The following CCDC178 variants were observed in gnomAD, a reference collection of about 807,000 sequenced individuals.
CCDC178 encodes the protein coiled-coil domain-containing protein 178.
A neutral mutation model predicts 117.4 loss-of-function variants in CCDC178; 126 were observed. That is an observed-to-expected ratio of 1.07 (90% CI 0.93 to 1.24). CCDC178 has a LOEUF of 1.24. Among genes scored for constraint, CCDC178 ranks in the 50% most tolerant of loss-of-function variants. The probability of loss-of-function intolerance (pLI) is 0.00; values close to 1 mark genes in which losing one functional copy is unlikely to be tolerated. For missense variants in CCDC178, 1,030 were observed against 986.9 expected, an observed-to-expected ratio of 1.04 and a Z score of -0.59; for synonymous variants, 283 against 313.4, an observed-to-expected ratio of 0.90 and a Z score of 1.02.
At chr18:33,189,681 G>A (rs1477772954) in intron 20 of CCDC178, among the ~76,000 whole-genome samples, 1 of 152,150 alleles carries the variant, frequency 6.6e-6, no homozygotes, top group Admixed American at 6.5e-5. Flanking sequence ...ATTTGCAATT[G>A]ACTTTATTTA....
chr18:32,949,780 A>G (rs897570262), intron 22 of CCDC178, among the ~76,000 whole-genome samples: 1 of 152,068 alleles, frequency 6.6e-6, no homozygotes, highest in Non-Finnish European at 1.5e-5. Flanking sequence ...GTTTCCTTGG[A>G]TGCCATACAT....
intron 21 of CCDC178, among the ~76,000 whole-genome samples, chr18:33,052,125 T>G (rs570981984): frequency 6.6e-6 from 1 of 152,044 alleles, no homozygotes; most frequent in Admixed American, 6.6e-5. Context: ...CAAATTTAAT[T>G]TTTTTTTAGA....
At chr18:33,075,996 A>G (rs1354977255) in intron 21 of CCDC178, among the ~76,000 whole-genome samples, 1 of 152,238 alleles carries the variant, frequency 6.6e-6, no homozygotes, top group Non-Finnish European at 1.5e-5. Flanking sequence ...ATATTTTTCT[A>G]CAGTTTTCTG....
intron 20 of CCDC178, among the ~76,000 whole-genome samples, chr18:33,097,095 G>T (rs1171837065): frequency 6.6e-6 from 1 of 151,996 alleles, no homozygotes. Flanking sequence ...TCCTTCCTTT[G>T]AACCTGGGTA....
chr18:33,355,782 T>C (rs1304136184), intron 7 of CCDC178, among the ~76,000 whole-genome samples: 1 of 152,180 alleles, frequency 6.6e-6, no homozygotes, highest in Non-Finnish European at 1.5e-5. Context: ...AGCCTTGTGA[T>C]TCCTCCAAGT....
chr18:33,388,091 T>C (rs1443631980), intron 5 of CCDC178, among the ~76,000 whole-genome samples: 2 of 151,968 alleles, frequency 1.3e-5, no homozygotes, highest in Admixed American at 1.3e-4. Flanking sequence ...GGCATACATG[T>C]GGCCAACAAA....
At chr18:33,433,835 T>C (rs944292211) in intron 2 of CCDC178, among the ~76,000 whole-genome samples, 28 of 152,134 alleles carry the variant, frequency 1.8e-4, no homozygotes, top group African/African-American at 6.5e-4. Context: ...CTTATACGTT[T>C]CATAAAGAAA....
intron 5 of CCDC178, among the ~76,000 whole-genome samples, chr18:33,376,180 T>C (rs571492241): frequency 6.6e-6 from 1 of 152,092 alleles, no homozygotes; most frequent in African/African-American, 2.4e-5. Context: ...TGCCTTTCTC[T>C]GGCACTGGCT....
chr18:33,273,911 A>G (rs552254053), intron 12 of CCDC178, among the ~76,000 whole-genome samples: 27 of 151,902 alleles, frequency 1.8e-4, no homozygotes, highest in African/African-American at 6.3e-4. Context: ...TAAACTTTTT[A>G]ATATCTTCTG....
chr18:32,942,201 G>A (rs1467482822), intron 22 of CCDC178, among the ~76,000 whole-genome samples: 3 of 152,110 alleles, frequency 2.0e-5, no homozygotes, highest in African/African-American at 7.2e-5. Flanking sequence ...TATATTCAGT[G>A]AGAACACAGA....
chr18:33,088,502 A>G (rs1227262650), intron 21 of CCDC178, among the ~76,000 whole-genome samples: 3 of 152,238 alleles, frequency 2.0e-5, no homozygotes, highest in South Asian at 2.1e-4. Flanking sequence ...GATCTTATAC[A>G]TATTTTGTTA....
At chr18:33,409,363 G>T (rs2063821322) in intron 3 of CCDC178, among the ~76,000 whole-genome samples, 2 of 152,186 alleles carry the variant, frequency 1.3e-5, no homozygotes, top group Admixed American at 1.3e-4. Context: ...GGGATTACAG[G>T]CATGAGCCAC....
At chr18:33,013,086 T>C (rs1259999167) in intron 21 of CCDC178, among the ~76,000 whole-genome samples, 1 of 152,190 alleles carries the variant, frequency 6.6e-6, no homozygotes, top group East Asian at 1.9e-4. Context: ...TTTTTCCTTT[T>C]ATAGGATTTC....
intron 5 of CCDC178, among the ~76,000 whole-genome samples, chr18:33,382,743 G>C (rs1231493516): frequency 6.6e-6 from 1 of 152,088 alleles, no homozygotes; most frequent in East Asian, 1.9e-4. Context: ...CACAAAACTG[G>C]GTGACTGTTT....
intron 22 of CCDC178, 89 bp from the exon 23 acceptor site, chr18:32,938,180 C>T (rs1372973513): frequency 2.3e-6 from 2 of 874,096 alleles, no homozygotes; most frequent in Non-Finnish European, 3.8e-6. Flanking sequence ...ACATGGAAAA[C>T]TTATCAACAA....
intron 21 of CCDC178, among the ~76,000 whole-genome samples, chr18:32,989,049 C>T (rs143131901): frequency 3.3e-5 from 5 of 152,232 alleles, no homozygotes; most frequent in Middle Eastern, 3.4e-3. Context: ...GACACAGTTT[C>T]TTCCAATTGT....
At chr18:33,194,606 C>T (rs1167341321) in intron 20 of CCDC178, among the ~76,000 whole-genome samples, 1 of 152,102 alleles carries the variant, frequency 6.6e-6, no homozygotes, top group East Asian at 1.9e-4. Context: ...GTTGAACTTT[C>T]GTACTTTCTT....
chr18:32,976,490 T>C (rs1412558714), intron 21 of CCDC178, among the ~76,000 whole-genome samples: 1 of 152,110 alleles, frequency 6.6e-6, no homozygotes, highest in Admixed American at 6.5e-5. Context: ...ATTAATTAAA[T>C]TTGCTTTAAC....
chr18:33,390,760 T>G (rs2063553103), intron 4 of CCDC178, among the ~76,000 whole-genome samples: 1 of 152,026 alleles, frequency 6.6e-6, no homozygotes, highest in African/African-American at 2.4e-5. Flanking sequence ...CTTATCAAAA[T>G]GTATTAAATT....
Sources: allele counts gnomAD v4.1 joint callset (sites outside exome capture counted in the v4.1 genomes callset), GRCh38; gene constraint gnomAD v4.1.1; transcripts MANE v1.5; gene names NCBI Gene and HGNC (gene_info 2026-07-23, HGNC 2026-07-21).